Variants in TMEM232 observed in about 807,000 individuals in gnomAD.
The protein encoded by TMEM232 is transmembrane protein 232.
In TMEM232, 80 loss-of-function variants were observed where a neutral mutation model predicts 78.8. That is an observed-to-expected ratio of 1.01 (90% CI 0.85 to 1.22). The LOEUF (loss-of-function observed/expected upper bound fraction) is 1.22. TMEM232 is among the 50% of genes most tolerant of loss of function. The pLI is 0.00. For missense variants in TMEM232, 881 were observed against 742.2 expected (o/e 1.19, Z -2.17); for synonymous variants, 297 against 254.3 (o/e 1.17, Z -1.60).
chr5:110,471,074 G>C (rs993425630), intron 12 of TMEM232, among the ~76,000 whole-genome samples: 1 of 151,982 alleles, frequency 6.6e-6, no homozygotes, highest in African/African-American at 2.4e-5. Flanking sequence ...AGAAATATTG[G>C]AGTTGAAGAA....
chr5:110,472,251 A>G (rs1446948585), intron 12 of TMEM232, among the ~76,000 whole-genome samples: 1 of 152,046 alleles, frequency 6.6e-6, no homozygotes, highest in East Asian at 1.9e-4. Context: ...CATGCTAATG[A>G]TGAACTATCT....
chr5:110,624,781 T>C (rs1180907126), intron 7 of TMEM232, among the ~76,000 whole-genome samples: 1 of 152,052 alleles, frequency 6.6e-6, no homozygotes, highest in East Asian at 1.9e-4. Context: ...ATAGGAAGCA[T>C]GGGAAAATTA....
intron 8 of TMEM232, among the ~76,000 whole-genome samples, chr5:110,612,893 G>T (rs1413131960): frequency 6.6e-6 from 1 of 152,120 alleles, no homozygotes; most frequent in Non-Finnish European, 1.5e-5. Context: ...TCTCCCCAGA[G>T]CAAATAGTGC....
chr5:110,459,779 G>A (rs977178007), intron 12 of TMEM232, among the ~76,000 whole-genome samples: 6 of 152,084 alleles, frequency 3.9e-5, no homozygotes, highest in African/African-American at 7.2e-5. Flanking sequence ...ACCAGGTGGC[G>A]AAAATTTAAA....
intron 12 of TMEM232, among the ~76,000 whole-genome samples, chr5:110,522,525 G>A (rs1054872515): frequency 3.3e-5 from 5 of 152,054 alleles, no homozygotes; most frequent in Admixed American, 6.6e-5. Context: ...TTTCACTATC[G>A]AGTATGATGT....
At chr5:110,471,137 A>G (rs567957868) in intron 12 of TMEM232, among the ~76,000 whole-genome samples, 12 of 152,288 alleles carry the variant, frequency 7.9e-5, no homozygotes, top group Middle Eastern at 3.4e-3. Context: ...AATACAGTTG[A>G]GACTAAATAA....
intron 1 of TMEM232, among the ~76,000 whole-genome samples, chr5:110,687,217 C>T (rs1430689749): frequency 6.6e-6 from 1 of 152,072 alleles, no homozygotes; most frequent in Admixed American, 6.6e-5. Context: ...CCAGGTATAG[C>T]TAATCAACAC....
At chr5:110,608,348 C>A in intron 8 of TMEM232, among the ~76,000 whole-genome samples, 1 of 151,774 alleles carries the variant, frequency 6.6e-6, no homozygotes, top group Non-Finnish European at 1.5e-5. Flanking sequence ...ATAATGTCTT[C>A]ATTAAAGTCA....
chr5:110,667,321 A>T lies in TMEM232; in HGVS notation c.32T>A (p.Ile11Asn). The T allele has an allele frequency of 6.5e-7, 1 of 1,533,750 alleles. No homozygotes were observed. Among genetic ancestry groups the T allele is most frequent in the Non-Finnish European group, 8.8e-7 (1 of 1,135,894 alleles). Residue 11 changes from isoleucine to asparagine, a missense_variant, in exon 2 of 14, where the codon ATT (isoleucine) becomes AAT (asparagine). Physicochemically the swap from Ile to Asn is moderately radical, Grantham distance 149. Coordinates refer to ENST00000455884, the MANE Select transcript of TMEM232 (RefSeq NM_001039763.4). MNMPVNKSPM[I>N]NTCGGISSPY... Reference sequence around the variant, plus strand: ...GGAAGATATGCCTCCACATGTATTAATCATAGGTGATTTGTTAACAGGCAT... The same window carrying T: ...GGAAGATATGCCTCCACATGTATTATTCATAGGTGATTTGTTAACAGGCAT...
chr5:110,731,699 G>C lies in TMEM232; in HGVS notation c.-13+3204C>G, dbSNP rs139840712. Among the ~76,000 whole-genome samples the C allele has an allele frequency of 1.8e-3, 269 of 152,300 alleles. 2 individuals are homozygous for C. The East Asian group carries it at 0.023, about 13-fold the overall frequency. ...AAGTCCCTAGGCTGCACACAGCATG[G>C]GGACTCTGGGGCCAGCCCACAAAAC... On this transcript the variant is annotated intron_variant, in intron 2 of 4. Transcript: ENST00000512886.
chr5:110,620,625 CTCTCTCTCTCTCT>C (rs1783557730), intron 7 of TMEM232, among the ~76,000 whole-genome samples: 1 of 116,362 alleles, frequency 8.6e-6, no homozygotes, highest in African/African-American at 3.9e-5. Context: ...CTCTCTCTCT[CTCTCTCTCTCTCT>C]CCTCTCTCCT....
intron 12 of TMEM232, among the ~76,000 whole-genome samples, chr5:110,460,291 A>C (rs551293479): frequency 1.4e-5 from 2 of 144,626 alleles, no homozygotes; most frequent in African/African-American, 5.6e-5. Flanking sequence ...ATGTATAAGT[A>C]AGTGTGTGTG....
At chr5:110,455,549 T>C (rs905214946) in intron 12 of TMEM232, among the ~76,000 whole-genome samples, 2 of 151,800 alleles carry the variant, frequency 1.3e-5, no homozygotes, top group Admixed American at 1.3e-4. Context: ...GGCTAATTTT[T>C]TTGTATTTTT....
In TMEM232 at chr5:110,651,655, A is replaced by C. The variant is rs376126304; in HGVS notation, c.126-9284T>G. On this transcript the variant is annotated intron_variant, in intron 2 of 13. Coordinates refer to ENST00000455884, the MANE Select transcript of TMEM232 (RefSeq NM_001039763.4). ...ACACAATTTTGTTAACATTCTTAAA[A>C]CATTACTGAGACTGCTGTTCAGAGA... Among the ~76,000 whole-genome samples the C allele has an allele frequency of 1.4e-4, 22 of 152,224 alleles. No homozygotes were observed. The South Asian group carries it at 4.4e-3, about 30-fold the overall frequency.
At chr5:110,391,291 A>G (rs149778509) in intron 3 of TMEM232, among the ~76,000 whole-genome samples, 10 of 130,664 alleles carry the variant, frequency 7.7e-5, no homozygotes, top group South Asian at 2.6e-4. Flanking sequence ...TCCCGTTTGA[A>G]TGTGTGTGTG....
chr5:110,702,358 C>T (rs571643019), intron 1 of TMEM232, among the ~76,000 whole-genome samples: 129 of 151,978 alleles, frequency 8.5e-4, no homozygotes, highest in African/African-American at 3.0e-3. Context: ...TAGCATACCC[C>T]CTTGTCTGAG....
intron 2 of TMEM232, among the ~76,000 whole-genome samples, chr5:110,651,178 A>G (rs192581281): frequency 1.3e-5 from 2 of 152,182 alleles, no homozygotes; most frequent in East Asian, 3.9e-4. Flanking sequence ...TGGGTCTTAT[A>G]CTCTTTTGGG....
intron 3 of TMEM232, among the ~76,000 whole-genome samples, chr5:110,395,104 C>T (rs556657701): frequency 1.3e-5 from 2 of 152,260 alleles, no homozygotes; most frequent in South Asian, 2.1e-4. Flanking sequence ...TCTATTCCTC[C>T]CTCAGGGGCA....
At chr5:110,730,117 T>C (rs1446277985), upstream of TMEM232, among the ~76,000 whole-genome samples, 1 of 152,236 alleles carries the variant, frequency 6.6e-6, no homozygotes, top group East Asian at 1.9e-4. Context: ...ATATGCATTA[T>C]ATTTTCTTCA....
Sources: allele counts gnomAD v4.1 joint callset (sites outside exome capture counted in the v4.1 genomes callset), GRCh38; gene constraint gnomAD v4.1.1; transcripts MANE v1.5; gene names NCBI Gene and HGNC (gene_info 2026-07-23, HGNC 2026-07-21).